Variants in ASAP1 observed in about 807,000 individuals in gnomAD.
ASAP1 encodes arf-GAP with SH3 domain, ANK repeat and PH domain-containing protein 1.
In ASAP1, 43 loss-of-function variants were observed where a neutral mutation model predicts 145.2. That is an observed-to-expected ratio of 0.30 (90% CI 0.23 to 0.38). ASAP1 has a LOEUF of 0.38. Ranked by LOEUF, ASAP1 falls within the 10% of genes least tolerant of loss-of-function variation. The pLI, the probability that ASAP1 is intolerant of heterozygous loss-of-function variation, is 1.00. For synonymous variants in ASAP1, 546 were observed against 515.5 expected (o/e 1.06, Z -0.80); for missense variants, 1,018 against 1,355.3 (o/e 0.75, Z 3.91).
At chr8:130,337,748 C>A (rs2137873478) in intron 3 of ASAP1, among the ~76,000 whole-genome samples, 1 of 152,264 alleles carries the variant, frequency 6.6e-6, no homozygotes, top group South Asian at 2.1e-4. Context: ...TTACTTTCCT[C>A]TCCTCTCAAC....
intron 7 of ASAP1, among the ~76,000 whole-genome samples, chr8:130,182,380 A>C (rs2136184212): frequency 6.6e-6 from 1 of 152,320 alleles, no homozygotes; most frequent in Non-Finnish European, 1.5e-5. Flanking sequence ...GAAGGAGAGC[A>C]CCTCAAACTA....
At chr8:130,103,564 C>T (rs935797266) in intron 24 of ASAP1, among the ~76,000 whole-genome samples, 5 of 152,058 alleles carry the variant, frequency 3.3e-5, no homozygotes, top group African/African-American at 1.2e-4. Flanking sequence ...AGTGCAGTGA[C>T]GCGATCTCGG....
At chr8:130,288,032 C>A (rs1398657524) in intron 3 of ASAP1, among the ~76,000 whole-genome samples, 1 of 152,210 alleles carries the variant, frequency 6.6e-6, no homozygotes, top group African/African-American at 2.4e-5. Context: ...AAAGCGCTTT[C>A]AAACTGTGCT....
chr8:130,280,702 C>T (rs1398186209), intron 3 of ASAP1, among the ~76,000 whole-genome samples: 1 of 152,192 alleles, frequency 6.6e-6, no homozygotes, highest in African/African-American at 2.4e-5. Flanking sequence ...TCAGAATTAT[C>T]CAGTTACTTA....
At chr8:130,274,987 G>C (rs1820795217) in intron 3 of ASAP1, among the ~76,000 whole-genome samples, 1 of 152,288 alleles carries the variant, frequency 6.6e-6, no homozygotes, top group African/African-American at 2.4e-5. Context: ...AGACTCTTGA[G>C]ACTGTAGCTC....
At chr8:130,440,212 C>A (rs1160623220) in intron 1 of ASAP1, among the ~76,000 whole-genome samples, 7 of 152,150 alleles carry the variant, frequency 4.6e-5, no homozygotes, top group Admixed American at 4.6e-4. Context: ...ACTTTGCCCC[C>A]TATGATCCAT....
chr8:130,148,508 G>C (rs2097638402), intron 13 of ASAP1, among the ~76,000 whole-genome samples: 1 of 152,188 alleles, frequency 6.6e-6, no homozygotes, highest in Non-Finnish European at 1.5e-5. Flanking sequence ...GGGCCATCTT[G>C]AAGATGAAGT....
At chr8:130,068,842 C>A (rs753310192) in intron 27 of ASAP1, among the ~76,000 whole-genome samples, 1 of 152,168 alleles carries the variant, frequency 6.6e-6, no homozygotes, top group South Asian at 2.1e-4. Flanking sequence ...GCTGAACATG[C>A]CTGTTACCCA....
rs938705318 is a variant in ASAP1, at chr8:130,308,895, A to G, written c.186+49122T>C. Among the ~76,000 whole-genome samples the G allele has an allele frequency of 6.6e-5, 10 of 152,208 alleles. No individual in the cohort carries two copies. In the East Asian group the frequency reaches 1.7e-3, roughly 26 times the overall value. ...GGTCTCTACTAAAAATACAAAAATTAGCTGGGCACGGTGGTGTGCGCCTCA... is the reference window on the plus strand; with the variant it reads ...GGTCTCTACTAAAAATACAAAAATTGGCTGGGCACGGTGGTGTGCGCCTCA... On this transcript the variant is annotated intron_variant, in intron 3 of 29. Transcript: ENST00000518721.
At chr8:130,248,058 T>C (rs1387017168) in intron 3 of ASAP1, among the ~76,000 whole-genome samples, 2 of 151,898 alleles carry the variant, frequency 1.3e-5, no homozygotes, top group Non-Finnish European at 2.9e-5. Flanking sequence ...GGTAGAAAAA[T>C]CCTTGAAAAG....
chr8:130,352,796 G>C (rs1265887942), intron 3 of ASAP1, among the ~76,000 whole-genome samples: 1 of 152,222 alleles, frequency 6.6e-6, no homozygotes. Context: ...ACTGTTATGA[G>C]ATAGAGCTTG....
intron 1 of ASAP1, among the ~76,000 whole-genome samples, chr8:130,426,699 G>A (rs1453177196): frequency 6.6e-6 from 1 of 152,168 alleles, no homozygotes; most frequent in Non-Finnish European, 1.5e-5. Flanking sequence ...CCAAACTGCC[G>A]TGTGCTCACT....
Position 130,207,250 on chromosome 8 carries a change from G to A in ASAP1, c.405+7306C>T, listed in dbSNP as rs374459886. ...GAACAACAAATCGTTTGTTATGTCT[G>A]GAGTTGGCTTTGATTAGGAAGGCAT... On this transcript the variant is annotated intron_variant, in intron 5 of 29. Coordinates refer to ENST00000518721, the MANE Select transcript of ASAP1 (RefSeq NM_018482.4). Among the ~76,000 whole-genome samples the A allele has an allele frequency of 3.3e-5, 5 of 152,278 alleles. No homozygotes were observed. The South Asian group carries it at 1.0e-3, about 32-fold the overall frequency.
intron 3 of ASAP1, among the ~76,000 whole-genome samples, chr8:130,344,057 A>C (rs1239941007): frequency 6.6e-6 from 1 of 152,204 alleles, no homozygotes; most frequent in African/African-American, 2.4e-5. Context: ...TTAATAACAA[A>C]AGTCTGTTAA....
chr8:130,424,849 C>T (rs1829854461), intron 1 of ASAP1, among the ~76,000 whole-genome samples: 1 of 151,808 alleles, frequency 6.6e-6, no homozygotes, highest in Admixed American at 6.6e-5. Flanking sequence ...AAAAATTAGC[C>T]GGGCATGGTG....
At chr8:130,119,411 T>G (rs1331166800) in intron 18 of ASAP1, among the ~76,000 whole-genome samples, 1 of 152,242 alleles carries the variant, frequency 6.6e-6, no homozygotes, top group East Asian at 1.9e-4. Context: ...GCCCAAAGTC[T>G]GAAAGGGTGT....
chr8:130,392,257 A>C (rs1199810157), intron 2 of ASAP1, among the ~76,000 whole-genome samples: 1 of 152,224 alleles, frequency 6.6e-6, no homozygotes, highest in Non-Finnish European at 1.5e-5. Flanking sequence ...TCCTAAAGGG[A>C]GACCTGCTGC....
At chr8:130,321,973 G>A (rs1824035325) in intron 3 of ASAP1, among the ~76,000 whole-genome samples, 1 of 152,200 alleles carries the variant, frequency 6.6e-6, no homozygotes, top group Non-Finnish European at 1.5e-5. Flanking sequence ...ATCTCAATCT[G>A]ACTTCTAGCA....
chr8:130,438,865 C>T (rs1830402029), intron 1 of ASAP1, among the ~76,000 whole-genome samples: 1 of 152,144 alleles, frequency 6.6e-6, no homozygotes, highest in South Asian at 2.1e-4. Context: ...CCTCTCTTCC[C>T]CATGGGTTAG....
Sources: gnomAD v4.1 joint callset for allele counts (sites outside exome capture counted in the v4.1 genomes callset) on GRCh38, gnomAD v4.1.1 for gene constraint, MANE v1.5 for transcripts, NCBI Gene and HGNC (gene_info 2026-07-23, HGNC 2026-07-21) for gene names.